PCLO: variants seen among roughly 807,000 people sequenced by gnomAD.
PCLO encodes protein piccolo.
PCLO carries 82 observed loss-of-function variants against 427.5 expected under a neutral mutation model. That is an observed-to-expected ratio of 0.19 (90% CI 0.16 to 0.23). PCLO has a LOEUF of 0.23. Ranked by LOEUF, PCLO falls within the 10% of genes least tolerant of loss-of-function variation. PCLO has a pLI of 1.00. For missense variants in PCLO, 6,239 were observed against 6,115.9 expected, an observed-to-expected ratio of 1.02 and a Z score of -0.67; for synonymous variants, 2,357 against 2,155.4, an observed-to-expected ratio of 1.09 and a Z score of -2.59.
At chr7:83,024,163 CG>C (rs1788419273) in intron 3 of PCLO, among the ~76,000 whole-genome samples, 1 of 152,160 alleles carries the variant, frequency 6.6e-6, no homozygotes, top group South Asian at 2.1e-4. Context: ...ACGCAGAAGA[CG>C]GGTGATTTCT....
At chr7:82,788,778 T>G (rs1034687067) in intron 22 of PCLO, among the ~76,000 whole-genome samples, 1 of 151,908 alleles carries the variant, frequency 6.6e-6, no homozygotes, top group African/African-American at 2.4e-5. Context: ...ATTGAATCAA[T>G]TCTTTAAGTA....
intron 3 of PCLO, among the ~76,000 whole-genome samples, chr7:83,034,615 G>A (rs1323875500): frequency 1.3e-5 from 2 of 152,224 alleles, no homozygotes; most frequent in Non-Finnish European, 2.9e-5. Context: ...GCTTCTTCTA[G>A]CCAAGTCTCT....
chr7:83,050,271 T>TAAAAAAAAAA (rs60841081), intron 3 of PCLO, among the ~76,000 whole-genome samples: 1 of 94,634 alleles, frequency 1.1e-5, no homozygotes, highest in Non-Finnish European at 2.0e-5. Flanking sequence ...AAGTGCTTTT[T>TAAAAAAAAAA]AAAAAAAAAA....
chr7:82,841,372 C>T (rs2115780070), intron 14 of PCLO, 87 bp downstream of exon 14: 1 of 791,886 alleles, frequency 1.3e-6, no homozygotes, highest in Non-Finnish European at 2.2e-6. Flanking sequence ...AAGAAAAATC[C>T]TAACAGTGTG....
At position 82,950,226 on chromosome 7, in the gene PCLO, A is replaced by C; in HGVS notation, c.10362T>G (p.Asp3454Glu). 6.2e-7 allele frequency: 1 copy of C among 1,612,346 alleles called. No individual in the cohort carries two copies. The highest frequency in any genetic ancestry group is 8.5e-7 in the Non-Finnish European group (1 of 1,179,646). ...TCCTTCTCCTACTCACATAGCTCCG[A>C]TCTGTGGCATCTTCGTCATCCGTTT... Reference protein sequence around the residue: ...GVQTDDEDATDRSYVSRRRRT... With the variant: ...GVQTDDEDATERSYVSRRRRT... The change falls in exon 6 of 25, where the codon GAT (aspartate) becomes GAG (glutamate). Residue 3454 changes from aspartate (D) to glutamate (E), a missense_variant. Physicochemically the swap from Asp to Glu is conservative, Grantham distance 45. Transcript: ENST00000333891.
At chr7:82,909,065 A>T in intron 7 of PCLO, 52 bp from the exon 8 acceptor site, 10 of 1,588,814 alleles carry the variant, frequency 6.3e-6, no homozygotes, top group Non-Finnish European at 7.7e-6. Flanking sequence ...AATACAGATG[A>T]TTGAGGGAAG....
At chr7:83,080,384 T>C (rs529339472) in intron 3 of PCLO, among the ~76,000 whole-genome samples, 1 of 152,252 alleles carries the variant, frequency 6.6e-6, no homozygotes, top group South Asian at 2.1e-4. Flanking sequence ...CCAGCACCTG[T>C]TGTTTTTTGA....
intron 1 of PCLO, among the ~76,000 whole-genome samples, chr7:83,160,569 G>A (rs1406167944): frequency 6.6e-6 from 1 of 151,876 alleles, no homozygotes; most frequent in African/African-American, 2.4e-5. Context: ...TTAGTATTTG[G>A]ATGAAGTTTT....
At chr7:83,007,433 A>T (rs1039333073) in intron 3 of PCLO, among the ~76,000 whole-genome samples, 2 of 83,846 alleles carry the variant, frequency 2.4e-5, no homozygotes, top group Non-Finnish European at 5.0e-5. Context: ...AATCATAACT[A>T]GACAAATAAT....
intron 3 of PCLO, among the ~76,000 whole-genome samples, chr7:82,981,692 G>A (rs1284924379): frequency 1.3e-5 from 2 of 151,848 alleles, no homozygotes; most frequent in Admixed American, 1.3e-4. Flanking sequence ...TTGTATTTAG[G>A]TATGTGCCTA....
intron 3 of PCLO, among the ~76,000 whole-genome samples, chr7:83,086,166 A>G (rs750071321): frequency 6.2e-5 from 7 of 113,364 alleles, no homozygotes; most frequent in South Asian, 2.9e-4. Flanking sequence ...CTGGAGTGCA[A>G]TGGCGCAATG....
intron 10 of PCLO, among the ~76,000 whole-genome samples, chr7:82,852,852 C>G (rs950853733): frequency 1.3e-5 from 2 of 152,140 alleles, no homozygotes; most frequent in Non-Finnish European, 2.9e-5. Flanking sequence ...TACCCATTAA[C>G]CAACCTCTTT....
intron 3 of PCLO, among the ~76,000 whole-genome samples, chr7:83,004,901 A>G (rs1168878567): frequency 4.6e-5 from 7 of 151,610 alleles, no homozygotes; most frequent in Non-Finnish European, 1.0e-4. Context: ...TCATACAAGT[A>G]AATATTAGGT....
rs1562874993 is a variant in PCLO, at chr7:82,949,502, G to C, written c.11086C>G (p.Pro3696Ala). 6.2e-7 allele frequency: 1 copy of C among 1,608,688 alleles called. No homozygotes were observed. Among genetic ancestry groups the C allele is most frequent in the South Asian group, 1.1e-5 (1 of 90,390 alleles). The change falls in exon 6 of 25, where the codon CCT becomes GCT. Residue 3696 changes from proline (P) to alanine (A), a missense_variant. Pro to Ala is a conservative substitution (Grantham distance 27). This residue lies in a region of PCLO where 4,677 missense variants were observed against 4,468.4 expected (regional missense o/e 1.05). Transcript: ENST00000333891. Reference protein sequence around the residue: ...SPTADESSRAPFQYTEGYTTK... With the variant: ...SPTADESSRAAFQYTEGYTTK... ...GTATAGCCCTCGGTATACTGAAAAG[G>C]AGCCCTGGAACTTTCGTCTGCTGTT...
chr7:82,971,698 T>C (rs1795910921), intron 3 of PCLO, among the ~76,000 whole-genome samples: 1 of 147,820 alleles, frequency 6.8e-6, no homozygotes. Context: ...TTACTTTTAA[T>C]GGAAAAAGTA....
intron 9 of PCLO, among the ~76,000 whole-genome samples, chr7:82,902,441 G>C (rs528785615): frequency 6.6e-6 from 1 of 151,896 alleles, no homozygotes; most frequent in Non-Finnish European, 1.5e-5. Context: ...TGAGGGAAGG[G>C]GGGAGGGATA....
At chr7:82,911,345 G>A (rs1446401746) in intron 7 of PCLO, among the ~76,000 whole-genome samples, 2 of 151,902 alleles carry the variant, frequency 1.3e-5, no homozygotes, top group East Asian at 3.9e-4. Context: ...GTTTATAACT[G>A]TCTCATCTTT....
At chr7:82,820,469 C>A (rs1323874609) in intron 20 of PCLO, 1 of 1,163,968 alleles carries the variant, frequency 8.6e-7, no homozygotes, top group Admixed American at 4.5e-5. Context: ...TGGCTCAGAA[C>A]CCAGTAGTTT....
At chr7:82,830,334 T>G (rs949476647) in intron 16 of PCLO, among the ~76,000 whole-genome samples, 1 of 151,958 alleles carries the variant, frequency 6.6e-6, no homozygotes, top group Non-Finnish European at 1.5e-5. Flanking sequence ...TTTGGATTCT[T>G]TTTTTGATGG....
Sources: gnomAD v4.1 joint callset for allele counts (sites outside exome capture counted in the v4.1 genomes callset) on GRCh38, gnomAD v4.1.1 for gene constraint, gnomAD v4.1.1 regional missense constraint, MANE v1.5 for transcripts, NCBI Gene and HGNC (gene_info 2026-07-23, HGNC 2026-07-21) for gene names.